Variants in NEK11 observed in about 807,000 individuals in gnomAD.
NEK11 encodes NIMA related kinase 11.
In NEK11, 72 loss-of-function variants were observed where a neutral mutation model predicts 80.7. The observed-to-expected ratio is 0.89, with a 90% CI of 0.74 to 1.08. The LOEUF is 1.08. NEK11 is among the 50% of genes least tolerant of loss of function. The pLI, the probability that NEK11 is intolerant of heterozygous loss-of-function variation, is 0.00. For synonymous variants in NEK11, 251 were observed against 260.7 expected, an observed-to-expected ratio of 0.96 and a Z score of 0.36; for missense variants, 764 against 763.6, an observed-to-expected ratio of 1.00 and a Z score of -0.01.
intron 14 of NEK11, among the ~76,000 whole-genome samples, chr3:131,187,274 A>G (rs1579821156): frequency 1.3e-5 from 2 of 152,318 alleles, no homozygotes; most frequent in East Asian, 3.9e-4. Flanking sequence ...GTTGGACAGC[A>G]TACTTCTAGA....
At chr3:131,082,312 A>G (rs757863546) in intron 4 of NEK11, among the ~76,000 whole-genome samples, 3 of 152,252 alleles carry the variant, frequency 2.0e-5, no homozygotes, top group Non-Finnish European at 4.4e-5. Context: ...AGCCTCCTTC[A>G]GTTAATAAAC....
intron 10 of NEK11, among the ~76,000 whole-genome samples, chr3:131,156,659 AAATTCT>A (rs1579245344): frequency 6.6e-6 from 1 of 152,252 alleles, no homozygotes; most frequent in East Asian, 1.9e-4. Flanking sequence ...CTCTCAATTC[AAATTCT>A]AGTTCCCAGG....
chr3:131,152,761 C>T (rs1294558727), intron 9 of NEK11, 52 bp downstream of exon 9: 1 of 1,223,778 alleles, frequency 8.2e-7, no homozygotes, highest in Admixed American at 1.8e-5. Context: ...TTTGTATACA[C>T]ATTCCATGAC....
At chr3:131,336,819 C>A (rs1373527136) in intron 17 of NEK11, among the ~76,000 whole-genome samples, 1 of 152,220 alleles carries the variant, frequency 6.6e-6, no homozygotes, top group Non-Finnish European at 1.5e-5. Context: ...TGAACAGACA[C>A]TTCTCAAAAG....
intron 17 of NEK11, among the ~76,000 whole-genome samples, chr3:131,288,197 G>A (rs926532506): frequency 2.6e-5 from 4 of 152,066 alleles, no homozygotes; most frequent in African/African-American, 7.2e-5. Flanking sequence ...TTCAATTAAG[G>A]ATATGACAAG....
intron 14 of NEK11, among the ~76,000 whole-genome samples, chr3:131,218,037 T>C (rs2107620817): frequency 6.6e-6 from 1 of 152,386 alleles, no homozygotes; most frequent in Non-Finnish European, 1.5e-5. Flanking sequence ...TATTATTTTC[T>C]TGAAGGTCTG....
At chr3:131,047,405 C>T (rs1340508106) in intron 3 of NEK11, among the ~76,000 whole-genome samples, 4 of 152,168 alleles carry the variant, frequency 2.6e-5, no homozygotes, top group Non-Finnish European at 5.9e-5. Context: ...GAGTAGACTA[C>T]ATCAGAGAAA....
In NEK11 at chr3:131,350,092, G is replaced by T. The variant is rs1033199761; in HGVS notation, c.*316G>T. The T allele has an allele frequency of 2.4e-4, 70 of 292,258 alleles. No individual in the cohort carries two copies. The highest frequency in any genetic ancestry group is 3.0e-4 in the Non-Finnish European group (46 of 152,408). The allele number at this position is 292,258 out of a possible 1,614,324, so 18.1% of individuals were successfully genotyped here. ...GAGTCACCCTGACGATGACCGGGGA[G>T]AAGCCGTGTGCTCTTCATTATTTTC... On this transcript the variant is annotated 3_prime_UTR_variant, in exon 18 of 18. Coordinates refer to ENST00000383366, the MANE Select transcript of NEK11 (RefSeq NM_024800.5).
chr3:131,051,084 A>C (rs2068321238), intron 3 of NEK11, among the ~76,000 whole-genome samples: 1 of 152,250 alleles, frequency 6.6e-6, no homozygotes, highest in Non-Finnish European at 1.5e-5. Context: ...AATTTGGGAA[A>C]TGTAGTGGAA....
chr3:131,072,543 G>C (rs566405612), intron 3 of NEK11, among the ~76,000 whole-genome samples: 119 of 152,218 alleles, frequency 7.8e-4, no homozygotes, highest in African/African-American at 2.6e-3. Context: ...CTGCCCATCT[G>C]TATAAATAAG....
chr3:131,337,363 C>G (rs746480956), intron 17 of NEK11, among the ~76,000 whole-genome samples: 67 of 151,118 alleles, frequency 4.4e-4, no homozygotes, highest in African/African-American at 1.3e-3. Flanking sequence ...ACTATCGCAA[C>G]GACAAAACAC....
chr3:131,157,574 G>T (rs1184990168), intron 10 of NEK11, among the ~76,000 whole-genome samples: 1 of 152,184 alleles, frequency 6.6e-6, no homozygotes, highest in Non-Finnish European at 1.5e-5. Flanking sequence ...CCTACCTCTA[G>T]TTGGCTAGAT....
intron 5 of NEK11, among the ~76,000 whole-genome samples, chr3:131,132,366 C>T (rs908184247): frequency 6.6e-6 from 1 of 151,900 alleles, no homozygotes; most frequent in Non-Finnish European, 1.5e-5. Context: ...ATTATTTTCA[C>T]AAGTATATAA....
intron 17 of NEK11, among the ~76,000 whole-genome samples, chr3:131,307,593 A>G (rs564134664): frequency 6.6e-6 from 1 of 152,346 alleles, no homozygotes; most frequent in African/African-American, 2.4e-5. Flanking sequence ...GAAGGTGAGG[A>G]AGTCAGTGTG....
chr3:131,335,372 T>A (rs981738344), intron 17 of NEK11, among the ~76,000 whole-genome samples: 1 of 152,222 alleles, frequency 6.6e-6, no homozygotes, highest in African/African-American at 2.4e-5. Context: ...AAAAACCACA[T>A]GATTATCTCA....
chr3:131,321,355 G>C (rs1404182048), intron 17 of NEK11, among the ~76,000 whole-genome samples: 4 of 152,136 alleles, frequency 2.6e-5, no homozygotes, highest in Admixed American at 6.5e-5. Context: ...ATTAACTAAA[G>C]ATGGATTAAA....
chr3:131,165,472 G>A lies in NEK11; in HGVS notation c.1129G>A (p.Glu377Lys), dbSNP rs983822357. The change falls in exon 12 of 18, where the codon GAA becomes AAA. Residue 377 changes from glutamate (E) to lysine (K), a missense_variant. By Grantham distance (56) the Glu-to-Lys change is moderately conservative. Transcript: ENST00000383366. ...KYEENSKRMQ[E>K]LRSRNFQQLS... ...TGAAGAAAATAGCAAACGAATGCAA[G>A]AATTGAGATCTCGGAACTTTCAGCA... 1 of 1,613,112 alleles carries A rather than the reference G, an allele frequency of 6.2e-7. No homozygotes were observed. The highest frequency in any genetic ancestry group is 1.3e-5 in the African/African-American group (1 of 74,904).
At position 131,040,274 on chromosome 3, in the gene NEK11, G is replaced by A. The variant is rs184402323; in HGVS notation, c.170+10396G>A. Among the ~76,000 whole-genome samples, 3 of 151,742 alleles carry A rather than the reference G, an allele frequency of 2.0e-5. No homozygotes were observed. In the East Asian group the frequency reaches 5.8e-4, roughly 29 times the overall value. ...AGAACATACTTATTAGTACAGTAGT[G>A]CTGTATTTATTTGGGTAGTTATATG... On this transcript the variant is annotated intron_variant, in intron 3 of 17. Transcript: ENST00000383366.
chr3:131,318,722 T>TA (rs890270540), intron 17 of NEK11, among the ~76,000 whole-genome samples: 2 of 143,430 alleles, frequency 1.4e-5, no homozygotes, highest in African/African-American at 2.6e-5. Flanking sequence ...CATTGTTTAG[T>TA]ATGCGTGTGT....
Sources: gnomAD v4.1 joint callset for allele counts (sites outside exome capture counted in the v4.1 genomes callset) on GRCh38, gnomAD v4.1.1 for gene constraint, MANE v1.5 for transcripts, NCBI Gene and HGNC (gene_info 2026-07-23, HGNC 2026-07-21) for gene names.